CSMD3: variants seen among roughly 807,000 people sequenced by gnomAD.
CSMD3 encodes the protein CUB and sushi domain-containing protein 3.
In CSMD3, 177 loss-of-function variants were observed where a neutral mutation model predicts 435.2. The ratio of observed to expected loss-of-function variants is 0.41; its 90% CI spans 0.36 to 0.46. The LOEUF is 0.46. Ranked by LOEUF, CSMD3 falls within the 20% of genes least tolerant of loss-of-function variation. The pLI, the probability that CSMD3 is intolerant of heterozygous loss-of-function variation, is 0.34. For synonymous variants in CSMD3, 1,656 were observed against 1,520.5 expected (o/e 1.09, Z -2.07); for missense variants, 4,265 against 4,504.6 (o/e 0.95, Z 1.52).
chr8:113,236,914 TG>T (rs2093157378), intron 3 of CSMD3, among the ~76,000 whole-genome samples: 1 of 152,146 alleles, frequency 6.6e-6, no homozygotes, highest in African/African-American at 2.4e-5. Context: ...ACTATTACAA[TG>T]CCAAACCAAT....
chr8:112,709,901 T>A (rs1335296371), intron 13 of CSMD3, among the ~76,000 whole-genome samples: 1 of 152,112 alleles, frequency 6.6e-6, no homozygotes, highest in Non-Finnish European at 1.5e-5. Flanking sequence ...CTCAGATAAC[T>A]CACTTTAGAA....
chr8:112,849,992 A>G (rs191453885), intron 11 of CSMD3, among the ~76,000 whole-genome samples: 262 of 152,160 alleles, frequency 1.7e-3, no homozygotes, highest in African/African-American at 6.0e-3. Flanking sequence ...CTCTGACTCT[A>G]TTTCCTCATA....
chr8:113,410,768 G>T (rs1258920590), intron 1 of CSMD3, among the ~76,000 whole-genome samples: 1 of 150,976 alleles, frequency 6.6e-6, no homozygotes, highest in Admixed American at 6.6e-5. Context: ...TGCCAGGCAG[G>T]CTGGCATGTG....
At chr8:112,756,370 C>T (rs900559579) in intron 13 of CSMD3, among the ~76,000 whole-genome samples, 1 of 152,088 alleles carries the variant, frequency 6.6e-6, no homozygotes, top group Non-Finnish European at 1.5e-5. Context: ...TCAGGTGTTC[C>T]TAATAGGAGT....
intron 10 of CSMD3, among the ~76,000 whole-genome samples, chr8:112,901,382 A>G (rs1392168369): frequency 6.6e-6 from 1 of 151,252 alleles, no homozygotes; most frequent in Non-Finnish European, 1.5e-5. Context: ...TTCACTGAAC[A>G]ATCTCCCATG....
At chr8:113,409,285 A>G (rs2094547552) in intron 1 of CSMD3, among the ~76,000 whole-genome samples, 1 of 151,510 alleles carries the variant, frequency 6.6e-6, no homozygotes. Flanking sequence ...GGGTTTCACC[A>G]TGTTGGTCAG....
chr8:112,583,415 G>C (rs1449714093), intron 23 of CSMD3, among the ~76,000 whole-genome samples: 1 of 151,878 alleles, frequency 6.6e-6, no homozygotes, highest in African/African-American at 2.4e-5. Flanking sequence ...GTGCTGTTCT[G>C]TCAATGTACT....
chr8:112,599,846 A>G (rs578002082), intron 22 of CSMD3, among the ~76,000 whole-genome samples: 1,299 of 119,138 alleles, frequency 0.011, 14 homozygotes, highest in South Asian at 0.024. Context: ...AGGAAGGGGA[A>G]TATCACACTC....
chr8:112,770,739 T>C (rs886684696), intron 13 of CSMD3, among the ~76,000 whole-genome samples: 14 of 152,044 alleles, frequency 9.2e-5, no homozygotes, highest in African/African-American at 3.4e-4. Context: ...TGCTTATCTA[T>C]ATAATATAAT....
At chr8:113,289,703 T>C (rs1337425108) in intron 2 of CSMD3, among the ~76,000 whole-genome samples, 5 of 151,770 alleles carry the variant, frequency 3.3e-5, no homozygotes, top group African/African-American at 1.2e-4. Flanking sequence ...TCAGAAAGTA[T>C]TGCACACACT....
intron 30 of CSMD3, among the ~76,000 whole-genome samples, chr8:112,495,914 A>G (rs1821284713): frequency 6.6e-6 from 1 of 151,104 alleles, no homozygotes; most frequent in African/African-American, 2.4e-5. Context: ...ATATAAATAG[A>G]TGTATATGTA....
intron 13 of CSMD3, among the ~76,000 whole-genome samples, chr8:112,799,041 C>G (rs1305999471): frequency 6.6e-6 from 1 of 151,764 alleles, no homozygotes; most frequent in East Asian, 1.9e-4. Context: ...TAACATAAGC[C>G]AATTGTTCTT....
chr8:112,813,082 G>A (rs1421223966), intron 12 of CSMD3, among the ~76,000 whole-genome samples: 2 of 152,128 alleles, frequency 1.3e-5, no homozygotes, highest in Admixed American at 6.6e-5. Context: ...AAGTGTTAAC[G>A]CCTAAGGTTC....
chr8:112,357,605 G>A (rs1283336535), intron 38 of CSMD3, among the ~76,000 whole-genome samples: 2 of 152,202 alleles, frequency 1.3e-5, no homozygotes, highest in African/African-American at 4.8e-5. Context: ...GGAGGAAAAA[G>A]TGGTTTCATG....
intron 10 of CSMD3, among the ~76,000 whole-genome samples, chr8:112,865,684 CCCCACACACACACACACA>C (rs1198274870): frequency 6.6e-5 from 9 of 136,340 alleles, no homozygotes; most frequent in African/African-American, 2.0e-4. Context: ...CCTTTACATA[CCCCACACACACACACACA>C]CACACACACA....
intron 10 of CSMD3, among the ~76,000 whole-genome samples, chr8:112,914,538 G>C (rs1165688925): frequency 6.6e-6 from 1 of 151,440 alleles, no homozygotes; most frequent in Non-Finnish European, 1.5e-5. Flanking sequence ...GCCTTAATAT[G>C]AGGAAAGGTC....
chr8:112,779,396 T>A (rs1304951743), intron 13 of CSMD3, among the ~76,000 whole-genome samples: 10 of 152,036 alleles, frequency 6.6e-5, no homozygotes, highest in Non-Finnish European at 1.3e-4. Flanking sequence ...AGGAAAAAAA[T>A]GCAAGTAGAG....
At chr8:112,330,154 T>C (rs998531190) in intron 45 of CSMD3, among the ~76,000 whole-genome samples, 2 of 152,148 alleles carry the variant, frequency 1.3e-5, no homozygotes, top group Non-Finnish European at 2.9e-5. Flanking sequence ...CAGCAATCTC[T>C]TTTAGGATGA....
rs140539090 is a variant in CSMD3 at position 112,379,279 on chromosome 8, G to T, written c.6136+1073C>A. Among the ~76,000 whole-genome samples, 50 of 152,250 alleles carry T rather than the reference G, an allele frequency of 3.3e-4. 2 individuals carry two copies. The East Asian group carries it at 9.7e-3, about 29-fold the overall frequency. On this transcript the variant is annotated intron_variant, in intron 38 of 70. Coordinates refer to ENST00000297405, the MANE Select transcript of CSMD3 (RefSeq NM_198123.2). ...GAGGTCAGGAGTTCGATACCAGCCT[G>T]ACCAACATGGTGAAACCCTGTCTCT...
Sources: gnomAD v4.1 joint callset for allele counts (sites outside exome capture counted in the v4.1 genomes callset) on GRCh38, gnomAD v4.1.1 for gene constraint, MANE v1.5 for transcripts, NCBI Gene and HGNC (gene_info 2026-07-23, HGNC 2026-07-21) for gene names.